Variants in DCAF6 observed in about 807,000 individuals in gnomAD.
DCAF6 encodes DDB1 and CUL4 associated factor 6, also known as DDB1- and CUL4-associated factor 6.
Under a neutral mutation model 125.1 loss-of-function variants are expected in DCAF6, and 54 were observed. The observed-to-expected ratio is 0.43, with a 90% CI of 0.35 to 0.54. The LOEUF (loss-of-function observed/expected upper bound fraction) is 0.54. Among genes scored for constraint, DCAF6 ranks in the 20% least tolerant of loss-of-function variants. The probability of loss-of-function intolerance (pLI) is 0.01; values close to 1 mark genes in which losing one functional copy is unlikely to be tolerated. For missense variants in DCAF6, 934 were observed against 1,161.7 expected (o/e 0.80, Z 2.85); for synonymous variants, 371 against 390.4 (o/e 0.95, Z 0.58).
chr1:167,959,528 A>G (rs1225824365), intron 2 of DCAF6, among the ~76,000 whole-genome samples: 1 of 152,188 alleles, frequency 6.6e-6, no homozygotes, highest in East Asian at 1.9e-4. Flanking sequence ...AGCAATGAAT[A>G]TAAGTTCCTG....
At chr1:168,073,727 A>G (rs1262282312) in intron 21 of DCAF6, among the ~76,000 whole-genome samples, 2 of 152,030 alleles carry the variant, frequency 1.3e-5, no homozygotes, top group African/African-American at 4.8e-5. Flanking sequence ...GGTTTCTTGA[A>G]TATATTCAGT....
the DCAF6 span, chr1:167,901,808 T>G: frequency 6.2e-7 from 1 of 1,614,212 alleles, no homozygotes; most frequent in Non-Finnish European, 8.5e-7. Flanking sequence ...TGCATCACCT[T>G]CAGAGAGAGA....
the DCAF6 span, among the ~76,000 whole-genome samples, chr1:167,871,109 A>T: frequency 6.6e-6 from 1 of 152,130 alleles, no homozygotes; most frequent in Non-Finnish European, 1.5e-5. Flanking sequence ...TCAACACACT[A>T]GAAGTAATAT....
Position 167,993,378 on chromosome 1 carries a change from G to A in DCAF6, c.841G>A (p.Asp281Asn). 1 of 1,613,838 alleles carries A rather than the reference G, an allele frequency of 6.2e-7. No homozygotes were observed. The highest frequency in any genetic ancestry group is 8.5e-7 in the Non-Finnish European group (1 of 1,179,846). Residue 281 changes from aspartate (D) to asparagine (N), a missense_variant, in exon 7 of 22, where the codon GAC becomes AAC. Around this residue, in one of 5 missense-constraint regions of DCAF6, gnomAD observed 309 missense variants for 381.2 expected, o/e 0.81. Coordinates refer to ENST00000367840, the MANE Select transcript of DCAF6 (RefSeq NM_001198956.2). Reference protein sequence around the residue: ...SYSSDYIYLFDPKDDTARELK... With the variant: ...SYSSDYIYLFNPKDDTARELK... The stretch of plus-strand genomic sequence containing the variant: ...CTCTTCAGATTACATATATCTTTTT[G>A]ACCCGAAAGATGATACAGCACGAGA...
At chr1:168,012,818 A>T (rs1684481155) in intron 10 of DCAF6, among the ~76,000 whole-genome samples, 1 of 152,192 alleles carries the variant, frequency 6.6e-6, no homozygotes, top group East Asian at 1.9e-4. Context: ...ATATTGAATA[A>T]ATGGTTCATA....
chr1:168,009,566 T>C (rs2103124029), intron 10 of DCAF6, among the ~76,000 whole-genome samples: 1 of 149,418 alleles, frequency 6.7e-6, no homozygotes, highest in East Asian at 2.1e-4. Context: ...TTTTCTCCTT[T>C]CCCATCTTTC....
intron 10 of DCAF6, among the ~76,000 whole-genome samples, chr1:168,014,854 G>C (rs74120598): frequency 1.3e-5 from 2 of 152,086 alleles, no homozygotes; most frequent in African/African-American, 4.8e-5. Context: ...TGTTCAAGTG[G>C]TGCCTTATGA....
At chr1:168,042,159 A>G (rs1253987697) in intron 13 of DCAF6, among the ~76,000 whole-genome samples, 5 of 151,872 alleles carry the variant, frequency 3.3e-5, no homozygotes, top group Non-Finnish European at 7.4e-5. Context: ...GATCGTTTGT[A>G]TTGTTTATTG....
At chr1:168,035,704 AAATG>A (rs1687716300) in intron 12 of DCAF6, among the ~76,000 whole-genome samples, 2 of 152,358 alleles carry the variant, frequency 1.3e-5, no homozygotes, top group East Asian at 3.9e-4. Flanking sequence ...TTTTATGATT[AAATG>A]AATATTACCA....
chr1:167,952,925 A>G (rs1674197131), intron 2 of DCAF6, among the ~76,000 whole-genome samples: 1 of 152,046 alleles, frequency 6.6e-6, no homozygotes, highest in Admixed American at 6.6e-5. Context: ...AATTATCAAG[A>G]TTTTGCCATA....
intron 7 of DCAF6, among the ~76,000 whole-genome samples, chr1:168,001,746 A>G (rs1682669212): frequency 1.3e-5 from 2 of 152,184 alleles, no homozygotes; most frequent in Non-Finnish European, 2.9e-5. Context: ...TGGTCAAGCA[A>G]GATACTCAAG....
the DCAF6 span, chr1:167,901,879 A>G: frequency 5.0e-6 from 8 of 1,611,878 alleles, no homozygotes; most frequent in African/African-American, 1.1e-4. Context: ...ATCTGTATAG[A>G]AACTTACTCA....
Position 168,042,310 on chromosome 1 carries a change from A to G in DCAF6, c.1728-715A>G, listed in dbSNP as rs533416174. ...TTAAATCTCAGTCAGATTGTTATACATGTCCTCTTTCTCATTCAGTCCTCT... is the reference window on the plus strand; with the variant it reads ...TTAAATCTCAGTCAGATTGTTATACGTGTCCTCTTTCTCATTCAGTCCTCT... On this transcript the variant is annotated intron_variant, in intron 13 of 21. Coordinates refer to ENST00000367840, the MANE Select transcript of DCAF6 (RefSeq NM_001198956.2). Among the ~76,000 whole-genome samples, 6 of 152,208 alleles carry G rather than the reference A, an allele frequency of 3.9e-5. No individual in the cohort carries two copies. The East Asian group carries it at 1.2e-3, about 29-fold the overall frequency.
chr1:167,899,255 C>T, the DCAF6 span, among the ~76,000 whole-genome samples: 2 of 152,198 alleles, frequency 1.3e-5, no homozygotes, highest in African/African-American at 2.4e-5. Flanking sequence ...TGGGCTCCTC[C>T]CAGAGGAGCT....
the DCAF6 span, among the ~76,000 whole-genome samples, chr1:167,887,100 A>G: frequency 6.6e-6 from 1 of 152,172 alleles, no homozygotes; most frequent in Non-Finnish European, 1.5e-5. Context: ...TGTTGGTGGG[A>G]CTGTAAACTA....
intron 4 of DCAF6, among the ~76,000 whole-genome samples, chr1:167,985,843 A>G (rs959027671): frequency 2.6e-5 from 4 of 152,202 alleles, no homozygotes; most frequent in Non-Finnish European, 5.9e-5. Context: ...TGTACTCAGC[A>G]TCTAGAACAA....
chr1:167,868,311 G>A, the DCAF6 span, among the ~76,000 whole-genome samples: 16 of 152,002 alleles, frequency 1.1e-4, no homozygotes, highest in South Asian at 4.2e-4. Flanking sequence ...ATGAATTCCC[G>A]GCCCAAAAGA....
chr1:167,902,538 G>T, the DCAF6 span, among the ~76,000 whole-genome samples: 1 of 152,214 alleles, frequency 6.6e-6, no homozygotes, highest in Admixed American at 6.5e-5. Flanking sequence ...TATTTAGACG[G>T]TATGGCATAA....
At position 167,936,828 on chromosome 1, in the gene DCAF6, C is replaced by G; in HGVS notation, c.-84C>G. 1 of 1,253,084 alleles carries G rather than the reference C, an allele frequency of 8.0e-7. No homozygotes were observed. The highest frequency in any genetic ancestry group is 1.1e-6 in the Non-Finnish European group (1 of 883,988). 77.6% of individuals were successfully genotyped at this position (1,253,084 alleles called of 1,614,324 possible). ...CGGCGCGCGGATGGTGCCGGTGCGG[C>G]TCGGGTGTTGAAACGGGTGTCCCCT... On this transcript the variant is annotated 5_prime_UTR_variant, in exon 1 of 22. Coordinates refer to ENST00000367840, the MANE Select transcript of DCAF6 (RefSeq NM_001198956.2).
Sources: gnomAD v4.1 joint callset for allele counts (sites outside exome capture counted in the v4.1 genomes callset) on GRCh38, gnomAD v4.1.1 for gene constraint, gnomAD v4.1.1 regional missense constraint, MANE v1.5 for transcripts, NCBI Gene and HGNC (gene_info 2026-07-23, HGNC 2026-07-21) for gene names.